Variants in ANKS4B observed in about 807,000 individuals in gnomAD.
ANKS4B encodes ankyrin repeat and sterile alpha motif domain containing 4B, also known as ankyrin repeat and SAM domain-containing protein 4B.
A neutral mutation model predicts 20.2 loss-of-function variants in ANKS4B; 21 were observed. That is an observed-to-expected ratio of 1.04 (90% CI 0.74 to 1.50). The LOEUF (loss-of-function observed/expected upper bound fraction) is 1.50. Among genes scored for constraint, ANKS4B ranks in the 40% most tolerant of loss-of-function variants. The pLI is 0.00. For synonymous variants in ANKS4B, 179 were observed against 194.5 expected, an observed-to-expected ratio of 0.92 and a Z score of 0.66; for missense variants, 473 against 494.6, an observed-to-expected ratio of 0.96 and a Z score of 0.41.
At chr16:21,239,759 G>A (rs1159723807) in intron 1 of ANKS4B, among the ~76,000 whole-genome samples, 1 of 152,130 alleles carries the variant, frequency 6.6e-6, no homozygotes, top group Non-Finnish European at 1.5e-5. Context: ...TATTTTGTGG[G>A]AACATGGGTG....
chr16:21,233,997 T>A (rs1183881311), intron 1 of ANKS4B, 96 bp downstream of exon 1: 2 of 1,190,898 alleles, frequency 1.7e-6, no homozygotes, highest in African/African-American at 3.1e-5. Context: ...AAATACTTTA[T>A]CCTCTTTCTA....
Position 21,251,118 on chromosome 16 carries a change from T to G in ANKS4B, c.*298T>G. 3.5e-6 allele frequency: 1 copy of G among 288,920 alleles called. No individual in the cohort carries two copies. The highest frequency in any genetic ancestry group is 4.6e-5 in the Admixed American group (1 of 21,836). 17.9% of individuals were successfully genotyped at this position (288,920 alleles called of 1,614,324 possible). The stretch of plus-strand genomic sequence containing the variant: ...TTTTGTTTTGTTTTGTTTTGTTTTT[T>G]GGAGATGAAGGTCTCAGTCTCTTAC... On this transcript the variant is annotated 3_prime_UTR_variant, in exon 2 of 2. Transcript: ENST00000311620.
Position 21,252,247 on chromosome 16 carries a change from TAAG to T in ANKS4B, c.*1432_*1434del, listed in dbSNP as rs2093340493. 3 of 152,474 alleles carry T rather than the reference TAAG, an allele frequency of 2.0e-5. No individual in the cohort carries two copies. In the East Asian group the frequency reaches 5.8e-4, roughly 29 times the overall value. The allele number at this position is 152,474 out of a possible 1,614,324, so 9.4% of individuals were successfully genotyped here. On this transcript the variant is annotated 3_prime_UTR_variant, in exon 2 of 2. Transcript: ENST00000311620. ...TGCACCTGGCCTAGGACTGGTGTCC[TAAG>T]AAGAGGAAGAGACACTTAGGTGGAA...
chr16:21,253,405 A>G lies in ANKS4B; in HGVS notation c.*2585A>G, dbSNP rs1383589545. On this transcript the variant is annotated 3_prime_UTR_variant, in exon 2 of 2. Coordinates refer to ENST00000311620, the MANE Select transcript of ANKS4B (RefSeq NM_145865.3). ...GGGGATGATTGTTTACAAATACCTT[A>G]TCTTGTGGAATAAACTGAAGTTGTG... The G allele has an allele frequency of 2.6e-5, 4 of 152,220 alleles. No individual in the cohort carries two copies. The highest frequency in any genetic ancestry group is 6.5e-5 in the Admixed American group (1 of 15,282). 9.4% of individuals were successfully genotyped at this position (152,220 alleles called of 1,614,324 possible).
At chr16:21,234,466 T>C (rs1176737793) in intron 1 of ANKS4B, among the ~76,000 whole-genome samples, 1 of 147,928 alleles carries the variant, frequency 6.8e-6, no homozygotes, top group Non-Finnish European at 1.5e-5. Context: ...CTATCACTTC[T>C]TTGGCTAGTG....
intron 1 of ANKS4B, chr16:21,243,965 T>C (rs1368188609): frequency 2.0e-5 from 3 of 152,222 alleles, no homozygotes; most frequent in African/African-American, 7.2e-5. Context: ...AATTTTGCAT[T>C]TGAAATTTTC....
chr16:21,250,058 C>A lies in ANKS4B; in HGVS notation c.492C>A (p.Thr164=). 1 of 1,614,198 alleles carries A rather than the reference C, an allele frequency of 6.2e-7. No individual in the cohort carries two copies. The highest frequency in any genetic ancestry group is 8.5e-7 in the Non-Finnish European group (1 of 1,180,034). Residue 164 remains threonine (T), a synonymous_variant, in exon 2 of 2, where the codon ACC becomes ACA. Coordinates refer to ENST00000311620, the MANE Select transcript of ANKS4B (RefSeq NM_145865.3). ...AGCACCAAAATAAGATGGCCCACAC[C>A]TACAGCAAGGAGGAATCCGGGACTC... is the stretch of plus-strand genomic sequence containing the variant. ...QEKHQNKMAH[T]YSKEESGTLS...
At chr16:21,248,970 C>T (rs1247938992) in intron 1 of ANKS4B, among the ~76,000 whole-genome samples, 1 of 152,080 alleles carries the variant, frequency 6.6e-6, no homozygotes, top group Admixed American at 6.6e-5. Flanking sequence ...GTATTTACAC[C>T]ACAGAAATTG....
intron 1 of ANKS4B, among the ~76,000 whole-genome samples, chr16:21,238,426 C>T (rs2093322794): frequency 6.6e-6 from 1 of 151,886 alleles, no homozygotes; most frequent in African/African-American, 2.4e-5. Flanking sequence ...AACTGTTTTA[C>T]AATACACAAT....
chr16:21,249,040 C>A (rs2093335618), intron 1 of ANKS4B, among the ~76,000 whole-genome samples: 2 of 152,172 alleles, frequency 1.3e-5, no homozygotes, highest in African/African-American at 4.8e-5. Context: ...ATTGAACAAT[C>A]CTATCCCTAG....
intron 1 of ANKS4B, chr16:21,243,872 C>T (rs1024850958): frequency 6.6e-5 from 10 of 152,010 alleles, no homozygotes; most frequent in Admixed American, 6.6e-4. Flanking sequence ...TGTGCCCAGC[C>T]AAAGTTTTGC....
At chr16:21,245,542 C>T (rs1442637159) in intron 1 of ANKS4B, among the ~76,000 whole-genome samples, 5 of 151,986 alleles carry the variant, frequency 3.3e-5, no homozygotes, top group Non-Finnish European at 7.4e-5. Flanking sequence ...GGCGCAATCT[C>T]GGCTCACTGC....
At chr16:21,234,521 C>CACACACG (rs71151624) in intron 1 of ANKS4B, among the ~76,000 whole-genome samples, 2 of 149,322 alleles carry the variant, frequency 1.3e-5, no homozygotes, top group African/African-American at 2.5e-5. Context: ...CACACACACA[C>CACACACG]CCCATCTCTT....
rs138236350 is a variant in ANKS4B, at chr16:21,246,179, T to A, written c.165-3552T>A. Among the ~76,000 whole-genome samples, 228 of 152,344 alleles carry A rather than the reference T, an allele frequency of 1.5e-3. 1 individual carries two copies. Among genetic ancestry groups the A allele is most frequent in the African/African-American group, 5.1e-3 (213 of 41,580 alleles). On this transcript the variant is annotated intron_variant, in intron 1 of 1. Coordinates refer to ENST00000311620, the MANE Select transcript of ANKS4B (RefSeq NM_145865.3). The stretch of plus-strand genomic sequence containing the variant: ...ACAGGGTTATTTATAACTTGATGTG[T>A]TTAATGTTGTGTTTGGTTTTTATTG...
At chr16:21,249,469 C>A (rs143879465) in intron 1 of ANKS4B, among the ~76,000 whole-genome samples, 1 of 152,098 alleles carries the variant, frequency 6.6e-6, no homozygotes, top group Admixed American at 6.6e-5. Flanking sequence ...AGAGTGAGAA[C>A]CTGTCTCAAA....
intron 1 of ANKS4B, among the ~76,000 whole-genome samples, chr16:21,241,057 T>C (rs112177362): frequency 0.023 from 3,503 of 152,108 alleles, 121 homozygotes; most frequent in African/African-American, 0.078. Context: ...GCCTCCCAAA[T>C]TGTTGGGATT....
Position 21,250,233 on chromosome 16 carries a change from G to A in ANKS4B, c.667G>A (p.Gly223Ser). The A allele has an allele frequency of 1.9e-6, 3 of 1,614,196 alleles. No homozygotes were observed. Among genetic ancestry groups the A allele is most frequent in the Non-Finnish European group, 1.7e-6 (2 of 1,180,042 alleles). The change falls in exon 2 of 2, where the codon GGC (glycine) becomes AGC (serine). Residue 223 changes from glycine to serine, a missense_variant. Gly to Ser is a moderately conservative substitution (Grantham distance 56). Transcript: ENST00000311620. ...KDTAEQVGKEGRSGQRNVMEV... is the reference protein window; with the variant it reads ...KDTAEQVGKESRSGQRNVMEV... ...TACAGCAGAACAGGTGGGGAAGGAA[G>A]GCAGAAGTGGGCAGAGGAACGTGAT...
rs1343762050 is a variant in ANKS4B at position 21,252,582 on chromosome 16, T to C, written c.*1762T>C. ...GATGAGTTTTGTAAGGGTAAACACC[T>C]AGTGAAACTTAAGGGGAAAAAAAAC... On this transcript the variant is annotated 3_prime_UTR_variant, in exon 2 of 2. Transcript: ENST00000311620. The C allele has an allele frequency of 6.6e-6, 1 of 152,232 alleles. No individual in the cohort carries two copies. The highest frequency in any genetic ancestry group is 1.5e-5 in the Non-Finnish European group (1 of 68,040). 9.4% of individuals were successfully genotyped at this position (152,232 alleles called of 1,614,324 possible).
At position 21,251,648 on chromosome 16, in the gene ANKS4B, T is replaced by G. The variant is rs2093339636; in HGVS notation, c.*828T>G. On this transcript the variant is annotated 3_prime_UTR_variant, in exon 2 of 2. Coordinates refer to ENST00000311620, the MANE Select transcript of ANKS4B (RefSeq NM_145865.3). The stretch of plus-strand genomic sequence containing the variant: ...CCTGCGGCTTGATGCCCAACTTAAA[T>G]GCATCTAACCCTTTAACAAATGTGT... 1 of 152,210 alleles carries G rather than the reference T, an allele frequency of 6.6e-6. No homozygotes were observed. 9.4% of individuals were successfully genotyped at this position (152,210 alleles called of 1,614,324 possible).
Sources: gnomAD v4.1 joint callset for allele counts (sites outside exome capture counted in the v4.1 genomes callset) on GRCh38, gnomAD v4.1.1 for gene constraint, MANE v1.5 for transcripts, NCBI Gene and HGNC (gene_info 2026-07-23, HGNC 2026-07-21) for gene names.